Variants in LARGE1 observed in about 807,000 individuals in gnomAD.
LARGE1 encodes LARGE xylosyl- and glucuronyltransferase 1, also known as xylosyl- and glucuronyltransferase LARGE1.
A neutral mutation model predicts 87.6 loss-of-function variants in LARGE1; 43 were observed. That is an observed-to-expected ratio of 0.49 (90% CI 0.38 to 0.63). LARGE1 has a LOEUF of 0.63. Ranked by LOEUF, LARGE1 falls within the 30% of genes least tolerant of loss-of-function variation. The pLI, the probability that LARGE1 is intolerant of heterozygous loss-of-function variation, is 0.00. For synonymous variants in LARGE1, 434 were observed against 394.6 expected, an observed-to-expected ratio of 1.10 and a Z score of -1.18; for missense variants, 802 against 1,000.2, an observed-to-expected ratio of 0.80 and a Z score of 2.67.
At position 33,624,981 on chromosome 22, in the gene LARGE1, G is replaced by A. The variant is rs181021304; in HGVS notation, c.491+1263C>T. 2.6e-5 allele frequency among the ~76,000 whole-genome samples: 4 copies of A among 152,280 alleles called. No individual in the cohort carries two copies. In the East Asian group the frequency reaches 5.8e-4, roughly 22 times the overall value. ...ACAGAGAGAAGGTAGAACCAATGAC[G>A]AATCCCAGTTCCTTGCAGGGTTGGT... On this transcript the variant is annotated intron_variant, in intron 4 of 14. Transcript: ENST00000397394.
chr22:33,289,478 TAG>T (rs939259379), intron 12 of LARGE1, among the ~76,000 whole-genome samples: 11 of 152,168 alleles, frequency 7.2e-5, no homozygotes, highest in Non-Finnish European at 5.9e-5. Context: ...CTCAGGGCTC[TAG>T]AGCCCAAAGC....
intron 1 of LARGE1, among the ~76,000 whole-genome samples, chr22:33,800,447 C>A (rs1486452019): frequency 2.6e-5 from 4 of 152,126 alleles, no homozygotes; most frequent in Admixed American, 2.0e-4. Context: ...GTGTGTAGTT[C>A]TATGAAATAT....
intron 6 of LARGE1, among the ~76,000 whole-genome samples, chr22:33,535,468 G>A (rs1042496187): frequency 1.4e-4 from 21 of 152,022 alleles, no homozygotes; most frequent in African/African-American, 5.1e-4. Context: ...GCTTGAACCC[G>A]GGAGGTGGAG....
At chr22:33,561,811 G>A (rs961282674) in intron 6 of LARGE1, among the ~76,000 whole-genome samples, 1 of 152,214 alleles carries the variant, frequency 6.6e-6, no homozygotes, top group Admixed American at 6.5e-5. Context: ...GTCGAGCTCA[G>A]GGAAGATGGG....
At chr22:33,556,813 G>C (rs977725770) in intron 6 of LARGE1, among the ~76,000 whole-genome samples, 5 of 151,876 alleles carry the variant, frequency 3.3e-5, no homozygotes, top group African/African-American at 1.2e-4. Flanking sequence ...CAAGACCAGC[G>C]TGGCCAACAT....
chr22:33,756,607 C>G (rs930757239), intron 2 of LARGE1, among the ~76,000 whole-genome samples: 13 of 151,896 alleles, frequency 8.6e-5, no homozygotes. Flanking sequence ...CCACAGAGGG[C>G]GATGTACACC....
At chr22:33,720,702 G>C (rs1441248636) in intron 2 of LARGE1, among the ~76,000 whole-genome samples, 1 of 152,230 alleles carries the variant, frequency 6.6e-6, no homozygotes, top group Non-Finnish European at 1.5e-5. Context: ...GCAAATATCA[G>C]AGAAGGAACT....
At chr22:33,860,867 G>A (rs375047041) in intron 1 of LARGE1, among the ~76,000 whole-genome samples, 2 of 152,130 alleles carry the variant, frequency 1.3e-5, no homozygotes, top group Admixed American at 6.5e-5. Context: ...GGGGAACACC[G>A]TGGGCGCAGC....
At chr22:33,576,503 T>C (rs1345539000) in intron 5 of LARGE1, among the ~76,000 whole-genome samples, 3 of 152,116 alleles carry the variant, frequency 2.0e-5, no homozygotes, top group Non-Finnish European at 4.4e-5. Flanking sequence ...GATATCCAGG[T>C]GGCTTTGGTG....
chr22:33,298,349 G>C (rs1407324148), intron 12 of LARGE1, among the ~76,000 whole-genome samples: 1 of 152,248 alleles, frequency 6.6e-6, no homozygotes, highest in African/African-American at 2.4e-5. Context: ...CCACGCAGAG[G>C]CATGGAACAA....
intron 2 of LARGE1, among the ~76,000 whole-genome samples, chr22:33,672,656 C>G (rs2081451400): frequency 6.6e-6 from 1 of 152,210 alleles, no homozygotes; most frequent in African/African-American, 2.4e-5. Context: ...ATATTTTGAT[C>G]TCTTTCTGCC....
At chr22:33,525,625 A>G (rs933684883) in intron 6 of LARGE1, among the ~76,000 whole-genome samples, 3 of 152,040 alleles carry the variant, frequency 2.0e-5, no homozygotes. Flanking sequence ...GGTGACCCGT[A>G]AGTCCTGGGT....
intron 6 of LARGE1, among the ~76,000 whole-genome samples, chr22:33,437,992 C>G (rs2067333530): frequency 6.6e-6 from 1 of 152,064 alleles, no homozygotes; most frequent in Admixed American, 6.6e-5. Context: ...TCCAGCACTG[C>G]AGCCAGGCCT....
rs936625212 is a variant in LARGE1 at position 33,283,084 on chromosome 22, C to A, written c.1877+118G>T. On this transcript the variant is annotated intron_variant, in intron 13 of 14. Transcript: ENST00000397394. ...TCTGGAGAAAGCGGTGCTTTCCTGG[C>A]CTCACAATGGACTAAGGCGAGCGAC... is the stretch of plus-strand genomic sequence containing the variant. 1.3e-5 allele frequency: 17 copies of A among 1,263,236 alleles called. No individual in the cohort carries two copies. In the Admixed American group the frequency reaches 2.7e-4, roughly 20 times the overall value. The allele number at this position is 1,263,236 out of a possible 1,614,324, so 78.3% of individuals were successfully genotyped here.
downstream of LARGE1, among the ~76,000 whole-genome samples, chr22:33,161,645 T>C (rs1485385144): frequency 6.6e-6 from 1 of 152,336 alleles, no homozygotes; most frequent in East Asian, 1.9e-4. Context: ...ACCTTAAAGT[T>C]CCAAAATGAT....
At chr22:33,849,141 T>G (rs1471000609) in intron 1 of LARGE1, among the ~76,000 whole-genome samples, 1 of 152,210 alleles carries the variant, frequency 6.6e-6, no homozygotes, top group Non-Finnish European at 1.5e-5. Flanking sequence ...CTAGGAATGA[T>G]AGTGTGTCAT....
the LARGE1 span, among the ~76,000 whole-genome samples, chr22:33,085,029 A>G: frequency 6.6e-6 from 1 of 152,384 alleles, no homozygotes; most frequent in African/African-American, 2.4e-5. Flanking sequence ...TAATCCCAGC[A>G]CTTTGGGAGG....
intron 11 of LARGE1, among the ~76,000 whole-genome samples, chr22:33,315,067 G>C (rs1936003997): frequency 6.6e-6 from 1 of 152,124 alleles, no homozygotes; most frequent in Non-Finnish European, 1.5e-5. Flanking sequence ...AAATTAGCTG[G>C]GCATGGTGGC....
At chr22:33,133,288 G>A in the LARGE1 span, among the ~76,000 whole-genome samples, 49 of 152,166 alleles carry the variant, frequency 3.2e-4, no homozygotes, top group Admixed American at 1.4e-3. Flanking sequence ...CCATCAACCC[G>A]TCATCTACAT....
Sources: gnomAD v4.1 joint callset for allele counts (sites outside exome capture counted in the v4.1 genomes callset) on GRCh38, gnomAD v4.1.1 for gene constraint, MANE v1.5 for transcripts, NCBI Gene and HGNC (gene_info 2026-07-23, HGNC 2026-07-21) for gene names.